Variants in CEACAM1 observed in about 807,000 individuals in gnomAD.
CEACAM1 encodes cell adhesion molecule CEACAM1.
In CEACAM1, 31 loss-of-function variants were observed where a neutral mutation model predicts 49.1. The ratio of observed to expected loss-of-function variants is 0.63; its 90% CI spans 0.47 to 0.85. The LOEUF is 0.85. Among genes scored for constraint, CEACAM1 ranks in the 40% least tolerant of loss-of-function variants. CEACAM1 has a pLI of 0.00. For missense variants in CEACAM1, 570 were observed against 645.3 expected (o/e 0.88, Z 1.26); for synonymous variants, 244 against 247.8 (o/e 0.98, Z 0.14).
intron 5 of CEACAM1, chr19:42,516,756 T>C: frequency 4.1e-6 from 1 of 244,562 alleles, no homozygotes; most frequent in Non-Finnish European, 8.2e-6. Context: ...TTTACAAAGC[T>C]ATGGTAATCA....
chr19:42,524,394 G>A (rs1168718024), intron 2 of CEACAM1, among the ~76,000 whole-genome samples: 2 of 152,160 alleles, frequency 1.3e-5, no homozygotes, highest in African/African-American at 4.8e-5. Context: ...TGGGCTTTGG[G>A]GACTGCAGAC....
At chr19:42,523,722 G>T (rs1410927444) in intron 2 of CEACAM1, among the ~76,000 whole-genome samples, 1 of 152,208 alleles carries the variant, frequency 6.6e-6, no homozygotes, top group Non-Finnish European at 1.5e-5. Context: ...TATTCCATTT[G>T]TGAAAATTGT....
chr19:42,518,195 C>A (rs1226392743), intron 5 of CEACAM1, among the ~76,000 whole-genome samples: 1 of 152,044 alleles, frequency 6.6e-6, no homozygotes, highest in African/African-American at 2.4e-5. Context: ...GAGGCCGAGG[C>A]TGAGACCAGG....
At chr19:42,514,410 C>T (rs1395767471) in intron 5 of CEACAM1, among the ~76,000 whole-genome samples, 3 of 151,962 alleles carry the variant, frequency 2.0e-5, no homozygotes, top group African/African-American at 4.8e-5. Context: ...GGATTACAGG[C>T]GTGAGCCACC....
intron 2 of CEACAM1, among the ~76,000 whole-genome samples, chr19:42,523,815 G>C (rs1336076410): frequency 6.6e-6 from 1 of 152,178 alleles, no homozygotes; most frequent in East Asian, 1.9e-4. Context: ...AAGCTCTGAA[G>C]TCCAGTAGGA....
intron 8 of CEACAM1, among the ~76,000 whole-genome samples, chr19:42,509,449 G>A (rs562653485): frequency 6.6e-6 from 1 of 152,314 alleles, no homozygotes; most frequent in East Asian, 1.9e-4. Flanking sequence ...ATGCAGCAAT[G>A]AGAACCAGCA....
rs1011785152 is a variant in CEACAM1 at position 42,507,809 on chromosome 19, G to A, written c.*1300C>T. On this transcript the variant is annotated 3_prime_UTR_variant, in exon 9 of 9. Transcript: ENST00000161559. ...AACAATGCCACCAGCATGAGTGATA[G>A]TGTCCCTGTAGGGTGCTCCCACTTC... is the stretch of plus-strand genomic sequence containing the variant. 2 of 152,270 alleles carry A rather than the reference G, an allele frequency of 1.3e-5. No homozygotes were observed. The highest frequency in any genetic ancestry group is 4.8e-5 in the African/African-American group (2 of 41,468). 9.4% of individuals were successfully genotyped at this position (152,270 alleles called of 1,614,324 possible).
chr19:42,522,310 TGTCACCC>T, intron 2 of CEACAM1, 108 bp from the exon 3 acceptor site: 1 of 1,520,744 alleles, frequency 6.6e-7, no homozygotes, highest in Non-Finnish European at 8.8e-7. Flanking sequence ...AGCCTCGCTC[TGTCACCC>T]AGGCTGGAGT....
chr19:42,522,625 G>A (rs1468752941), intron 2 of CEACAM1, among the ~76,000 whole-genome samples: 1 of 150,988 alleles, frequency 6.6e-6, no homozygotes, highest in South Asian at 2.1e-4. Context: ...GCAGTGGCAC[G>A]ATCTTGGCTC....
At chr19:42,521,567 G>A in intron 3 of CEACAM1, 46 bp from the exon 4 acceptor site, 1 of 1,592,128 alleles carries the variant, frequency 6.3e-7, no homozygotes. Context: ...TCAGAGGGAA[G>A]GGGAAGCTGC....
intron 5 of CEACAM1, 26 bp downstream of exon 5, chr19:42,518,922 A>T (rs752499245): frequency 6.2e-7 from 1 of 1,612,024 alleles, no homozygotes; most frequent in Non-Finnish European, 8.5e-7. Flanking sequence ...AGAGGGACAT[A>T]TAGGAAGGGG....
At chr19:42,519,570 C>CTTTTTT in intron 4 of CEACAM1, 1 of 168,238 alleles carries the variant, frequency 5.9e-6, no homozygotes, top group Non-Finnish European at 1.2e-5. Flanking sequence ...TTCCCACTGA[C>CTTTTTT]TTTTTTTTTT....
In CEACAM1 at chr19:42,520,711, C is replaced by T. The variant is rs79475335; in HGVS notation, c.958+556G>A. 483 of 154,688 alleles carry T rather than the reference C, an allele frequency of 3.1e-3. 3 individuals are homozygous for T. Among genetic ancestry groups the T allele is most frequent in the Non-Finnish European group, 4.7e-3 (325 of 69,622 alleles). 9.6% of individuals were successfully genotyped at this position (154,688 alleles called of 1,614,324 possible). ...ATTTAGCTGGATTCATGACAGGCCA[C>T]CTGGACACCTTCTGCACACACCTGC... On this transcript the variant is annotated intron_variant, in intron 4 of 8. Transcript: ENST00000161559.
intron 5 of CEACAM1, chr19:42,516,653 A>C (rs890147607): frequency 1.2e-5 from 2 of 162,166 alleles, no homozygotes; most frequent in African/African-American, 4.8e-5. Flanking sequence ...TTCATTCTAA[A>C]ATTTATATAG....
At chr19:42,511,065 C>T (rs1165691192) in intron 7 of CEACAM1, 145 bp from the exon 8 acceptor site, 9 of 732,048 alleles carry the variant, frequency 1.2e-5, no homozygotes, top group Non-Finnish European at 2.1e-5. Flanking sequence ...ATGGTCCAGA[C>T]CCAGCATGTT....
chr19:42,512,296 C>A, intron 6 of CEACAM1, 54 bp downstream of exon 6: 1 of 1,605,216 alleles, frequency 6.2e-7, no homozygotes, highest in East Asian at 2.2e-5. Context: ...TTCCCTCTCC[C>A]AAGCATGGCA....
At chr19:42,524,223 T>G (rs754340823) in intron 2 of CEACAM1, among the ~76,000 whole-genome samples, 8 of 152,134 alleles carry the variant, frequency 5.3e-5, no homozygotes, top group Non-Finnish European at 1.2e-4. Context: ...GACAATGGTG[T>G]CATCATGAGG....
Position 42,521,352 on chromosome 19 carries a change from C to A in CEACAM1, c.873G>T (p.Val291=), listed in dbSNP as rs1298884305. Residue 291 remains valine (V), a synonymous_variant, in exon 4 of 9, where the codon GTG becomes GTT. Coordinates refer to ENST00000161559, the MANE Select transcript of CEACAM1 (RefSeq NM_001712.5). ...GGCAGGTATAGGATCCACTATTATTCACAGTGATGTTAGGGATAAAGAGCT... is the reference window on the plus strand; with the variant it reads ...GGCAGGTATAGGATCCACTATTATTAACAGTGATGTTAGGGATAAAGAGCT... ...TQELFIPNIT[V]NNSGSYTCHA... 6.2e-7 allele frequency: 1 copy of A among 1,614,150 alleles called. No individual in the cohort carries two copies. The highest frequency in any genetic ancestry group is 1.7e-5 in the Admixed American group (1 of 60,020).
chr19:42,512,524 T>C, intron 5 of CEACAM1, 45 bp from the exon 6 acceptor site: 1 of 1,570,432 alleles, frequency 6.4e-7, no homozygotes, highest in Non-Finnish European at 8.8e-7. Context: ...GTGAAATTAT[T>C]TTACAATGGG....
Sources: gnomAD v4.1 joint callset for allele counts (sites outside exome capture counted in the v4.1 genomes callset) on GRCh38, gnomAD v4.1.1 for gene constraint, MANE v1.5 for transcripts, NCBI Gene and HGNC (gene_info 2026-07-23, HGNC 2026-07-21) for gene names.